TRAF2: variants seen among roughly 807,000 people sequenced by gnomAD.
The protein encoded by TRAF2 is TNF receptor associated factor 2, also known as TNF receptor-associated factor 2.
A neutral mutation model predicts 55.6 loss-of-function variants in TRAF2; 6 were observed. The ratio of observed to expected loss-of-function variants is 0.11; its 90% CI spans 0.06 to 0.21. The LOEUF (loss-of-function observed/expected upper bound fraction) is 0.21. Ranked by LOEUF, TRAF2 falls within the 10% of genes least tolerant of loss-of-function variation. TRAF2 has a pLI of 1.00. For synonymous variants in TRAF2, 329 were observed against 276.3 expected, an observed-to-expected ratio of 1.19 and a Z score of -1.89; for missense variants, 561 against 684.5, an observed-to-expected ratio of 0.82 and a Z score of 2.01.
chr9:136,917,998 A>C (rs1216278110), intron 7 of TRAF2, among the ~76,000 whole-genome samples: 1 of 151,560 alleles, frequency 6.6e-6, no homozygotes, highest in Non-Finnish European at 1.5e-5. Flanking sequence ...TGCACAAAGG[A>C]TCTCCCCGTG....
intron 1 of TRAF2, among the ~76,000 whole-genome samples, chr9:136,897,632 G>C (rs57888890): frequency 6.0e-3 from 518 of 86,770 alleles, no homozygotes; most frequent in South Asian, 9.2e-3. Flanking sequence ...AGTGCACTAG[G>C]CAGCCCCAGG....
chr9:136,920,200 T>A, intron 7 of TRAF2, 34 bp from the exon 8 acceptor site: 1 of 1,572,030 alleles, frequency 6.4e-7, no homozygotes. Flanking sequence ...GAATGGTGGA[T>A]GGAGCCAGCA....
At chr9:136,903,377 G>T (rs1849866447) in intron 4 of TRAF2, among the ~76,000 whole-genome samples, 1 of 152,178 alleles carries the variant, frequency 6.6e-6, no homozygotes, top group South Asian at 2.1e-4. Flanking sequence ...GGGGTGCGGG[G>T]AGACTTTCCA....
At chr9:136,889,413 AGGTGGGAT>A (rs1849528666) in intron 1 of TRAF2, 1 of 151,690 alleles carries the variant, frequency 6.6e-6, no homozygotes, top group Non-Finnish European at 1.5e-5. Context: ...CCTCCAGAGT[AGGTGGGAT>A]TACAGGCACC....
chr9:136,910,147 A>G, intron 6 of TRAF2, 153 bp downstream of exon 6: 1 of 829,052 alleles, frequency 1.2e-6, no homozygotes, highest in Non-Finnish European at 1.9e-6. Context: ...GGATGCGTTC[A>G]GGGTGGCGGC....
At chr9:136,918,601 G>A (rs1850303064) in intron 7 of TRAF2, among the ~76,000 whole-genome samples, 1 of 152,004 alleles carries the variant, frequency 6.6e-6, no homozygotes, top group Non-Finnish European at 1.5e-5. Context: ...TTCAAATTTT[G>A]TTGTGGAAAT....
upstream of TRAF2, among the ~76,000 whole-genome samples, chr9:136,882,199 C>T (rs1849382984): frequency 6.6e-6 from 1 of 152,162 alleles, no homozygotes; most frequent in South Asian, 2.1e-4. Context: ...TTCAAGGGTG[C>T]CAACCACGCC....
At chr9:136,911,170 C>T (rs1850095026) in intron 6 of TRAF2, among the ~76,000 whole-genome samples, 1 of 152,174 alleles carries the variant, frequency 6.6e-6, no homozygotes, top group African/African-American at 2.4e-5. Context: ...GACGGGCGCC[C>T]ACGCAGCGCG....
At position 136,898,907 on chromosome 9, in the gene TRAF2, T is replaced by C. The variant is rs745695082; in HGVS notation, c.167T>C (p.Phe56Ser). The C allele has an allele frequency of 1.4e-5, 22 of 1,610,154 alleles. No individual in the cohort carries two copies. The highest frequency in any genetic ancestry group is 2.7e-5 in the African/African-American group (2 of 74,814). The change falls in exon 2 of 11, where the codon TTC (phenylalanine) becomes TCC (serine). Residue 56 changes from phenylalanine to serine, a missense_variant. Around this residue, in one of 2 missense-constraint regions of TRAF2, gnomAD observed 426 missense variants for 476.8 expected, o/e 0.89. Transcript: ENST00000247668. ...CAGTGTGGCCACCGGTACTGCTCCT[T>C]CTGCCTGGCCAGCATCCTCAGGTGC... ...QAQCGHRYCSFCLASILSSGP... is the reference protein window; with the variant it reads ...QAQCGHRYCSSCLASILSSGP...
Position 136,910,508 on chromosome 9 carries a change from C to T in TRAF2, c.603+514C>T, listed in dbSNP as rs545006828. On this transcript the variant is annotated intron_variant, in intron 6 of 10. Transcript: ENST00000247668. ...GTTGAGAGTTAACTGCTGCAGATGA[C>T]ACCTTTAGGAAAGGAAGCTGGGAAA... Among the ~76,000 whole-genome samples, 35 of 152,342 alleles carry T rather than the reference C, an allele frequency of 2.3e-4. 1 individual carries two copies. Among genetic ancestry groups the T allele is most frequent in the African/African-American group, 8.4e-4 (35 of 41,578 alleles).
chr9:136,908,341 C>T (rs1240330721), intron 5 of TRAF2, 110 bp downstream of exon 5: 2 of 1,233,744 alleles, frequency 1.6e-6, no homozygotes, highest in South Asian at 1.6e-5. Context: ...TCGTTCCACC[C>T]CCTCGGCCCT....
intron 1 of TRAF2, among the ~76,000 whole-genome samples, chr9:136,890,884 G>A (rs990149085): frequency 9.2e-5 from 14 of 152,176 alleles, no homozygotes; most frequent in Non-Finnish European, 1.8e-4. Context: ...ACGTGAGGCC[G>A]TGTCTGTGAG....
intron 1 of TRAF2, 56 bp from the exon 2 acceptor site, chr9:136,898,657 T>G (rs1178605044): frequency 1.9e-6 from 3 of 1,593,412 alleles, no homozygotes; most frequent in Non-Finnish European, 2.6e-6. Context: ...TGGTTTGGTT[T>G]TGTCTCGAGG....
intron 9 of TRAF2, among the ~76,000 whole-genome samples, chr9:136,923,610 C>CAAAAAAA (rs55666712): frequency 3.0e-5 from 2 of 67,758 alleles, no homozygotes; most frequent in Non-Finnish European, 5.1e-5. Flanking sequence ...GACTCCATCT[C>CAAAAAAA]AAAAAAAAAA....
intron 1 of TRAF2, chr9:136,889,726 T>TG (rs1849535388): frequency 6.6e-6 from 1 of 152,322 alleles, no homozygotes; most frequent in South Asian, 2.1e-4. Context: ...CCCAAGTAGC[T>TG]GGGATTACAG....
At chr9:136,887,291 C>T (rs1349925330) in intron 1 of TRAF2, among the ~76,000 whole-genome samples, 1 of 152,202 alleles carries the variant, frequency 6.6e-6, no homozygotes, top group Non-Finnish European at 1.5e-5. Flanking sequence ...GCAATGTCTG[C>T]AAGAATCTGG....
At chr9:136,911,057 G>A (rs757872152) in intron 6 of TRAF2, among the ~76,000 whole-genome samples, 5 of 152,230 alleles carry the variant, frequency 3.3e-5, no homozygotes, top group African/African-American at 4.8e-5. Context: ...TGCCCTCTGC[G>A]TGTGCCCCAG....
intron 1 of TRAF2, among the ~76,000 whole-genome samples, chr9:136,887,746 T>G (rs1016271891): frequency 2.6e-5 from 4 of 152,130 alleles, no homozygotes; most frequent in African/African-American, 9.7e-5. Context: ...CAAGATCTCC[T>G]CTTCTACCAC....
At position 136,909,922 on chromosome 9, in the gene TRAF2, GCAC is replaced by G; in HGVS notation, c.535_537del (p.His179del). ...ACTCCTGATCCCTTCTTTTGAAGGC[GCAC>G]CACGAGGTCTGCCCCAAGTTCCCCT... On this transcript the variant is annotated inframe_deletion, in exon 6 of 11. Transcript: ENST00000247668. The G allele has an allele frequency of 6.2e-7, 1 of 1,614,144 alleles. No homozygotes were observed. Among genetic ancestry groups the G allele is most frequent in the East Asian group, 2.2e-5 (1 of 44,888 alleles).
Sources: allele counts gnomAD v4.1 joint callset (sites outside exome capture counted in the v4.1 genomes callset), GRCh38; gene constraint gnomAD v4.1.1; regional missense constraint gnomAD v4.1.1; transcripts MANE v1.5; gene names NCBI Gene and HGNC (gene_info 2026-07-23, HGNC 2026-07-21).